Variants in EPB41L5 observed in about 807,000 individuals in gnomAD.
EPB41L5 encodes erythrocyte membrane protein band 4.1 like 5.
In EPB41L5, 55 loss-of-function variants were observed where a neutral mutation model predicts 106.6. The ratio of observed to expected loss-of-function variants is 0.52; its 90% CI spans 0.42 to 0.65. The LOEUF (loss-of-function observed/expected upper bound fraction) is 0.65, where lower values mean the gene tolerates loss of function less well. Among genes scored for constraint, EPB41L5 ranks in the 30% least tolerant of loss-of-function variants. EPB41L5 has a pLI of 0.00. For missense variants in EPB41L5, 871 were observed against 882.1 expected (o/e 0.99, Z 0.16); for synonymous variants, 297 against 306.7 (o/e 0.97, Z 0.33).
chr2:120,138,450 AAAAG>A (rs1410401872), intron 18 of EPB41L5, among the ~76,000 whole-genome samples: 21 of 151,962 alleles, frequency 1.4e-4, no homozygotes, highest in African/African-American at 4.8e-4. Context: ...AAACTAAAGA[AAAAG>A]AAAAACAATT....
rs551979118 is a variant in EPB41L5, at chr2:120,137,589, A to C, written c.1600-5414A>C. On this transcript the variant is annotated intron_variant, in intron 18 of 24. Coordinates refer to ENST00000263713, the MANE Select transcript of EPB41L5 (RefSeq NM_020909.4). ...AGTATGAGCAACTATATGCCAATAA[A>C]TTGGAAAACATTGAAGAAATGGATG... 7.5e-4 allele frequency among the ~76,000 whole-genome samples: 114 copies of C among 152,184 alleles called. 1 individual carries two copies. Among genetic ancestry groups the C allele is most frequent in the African/African-American group, 2.5e-3 (105 of 41,566 alleles).
intron 3 of EPB41L5, among the ~76,000 whole-genome samples, chr2:120,047,109 T>C (rs755599066): frequency 7.2e-5 from 11 of 152,244 alleles, no homozygotes; most frequent in Non-Finnish European, 1.5e-4. Context: ...CCTTCAGCTT[T>C]GTTCTTTTTG....
At chr2:120,147,365 G>C (rs1471568821) in intron 20 of EPB41L5, among the ~76,000 whole-genome samples, 1 of 152,008 alleles carries the variant, frequency 6.6e-6, no homozygotes, top group East Asian at 1.9e-4. Flanking sequence ...TAAGGGGCCA[G>C]GCCGTGGTGG....
At chr2:120,104,763 TATA>T in intron 16 of EPB41L5, 1 of 888,540 alleles carries the variant, frequency 1.1e-6, no homozygotes, top group Non-Finnish European at 1.3e-6. Context: ...TTTTAATTAA[TATA>T]ATTTTTAATT....
At chr2:120,112,691 C>T (rs750675176) in intron 16 of EPB41L5, among the ~76,000 whole-genome samples, 1 of 152,048 alleles carries the variant, frequency 6.6e-6, no homozygotes, top group Non-Finnish European at 1.5e-5. Context: ...AGGTGTAGTC[C>T]AGGAATGATG....
At chr2:120,024,443 G>C (rs1678167869) in intron 2 of EPB41L5, among the ~76,000 whole-genome samples, 1 of 152,036 alleles carries the variant, frequency 6.6e-6, no homozygotes, top group Non-Finnish European at 1.5e-5. Flanking sequence ...ATAATCATGT[G>C]GTTTTTTGTG....
chr2:120,022,585 A>G (rs902851668), intron 2 of EPB41L5, among the ~76,000 whole-genome samples: 7 of 152,110 alleles, frequency 4.6e-5, no homozygotes, highest in Non-Finnish European at 1.0e-4. Flanking sequence ...TCTATCATTG[A>G]TGGGCATTTG....
At chr2:120,061,232 T>TA (rs908727470) in intron 3 of EPB41L5, among the ~76,000 whole-genome samples, 4 of 148,036 alleles carry the variant, frequency 2.7e-5, no homozygotes, top group African/African-American at 7.4e-5. Context: ...TTTTTTATTT[T>TA]TTTTTTTTGA....
At chr2:120,079,906 C>A (rs1271864428) in intron 10 of EPB41L5, among the ~76,000 whole-genome samples, 2 of 152,072 alleles carry the variant, frequency 1.3e-5, no homozygotes, top group African/African-American at 4.8e-5. Context: ...GCGTGGTCCT[C>A]CCATGGTTTC....
At chr2:120,119,625 T>G (rs1196056119) in intron 16 of EPB41L5, among the ~76,000 whole-genome samples, 1 of 142,370 alleles carries the variant, frequency 7.0e-6, no homozygotes, top group Non-Finnish European at 1.5e-5. Context: ...CTTTCTCCAT[T>G]TCTTTCTCTT....
intron 2 of EPB41L5, among the ~76,000 whole-genome samples, chr2:120,028,220 T>C (rs189659845): frequency 6.6e-6 from 1 of 152,192 alleles, no homozygotes; most frequent in East Asian, 1.9e-4. Flanking sequence ...TTGTATTTTA[T>C]TCCACTCAAG....
chr2:120,026,899 A>C (rs1026899368), intron 2 of EPB41L5, among the ~76,000 whole-genome samples: 3 of 152,216 alleles, frequency 2.0e-5, no homozygotes, highest in Non-Finnish European at 4.4e-5. Context: ...TGGGCAAAGG[A>C]TCTCTATAGA....
At chr2:120,048,063 C>T in intron 3 of EPB41L5, among the ~76,000 whole-genome samples, 1 of 152,102 alleles carries the variant, frequency 6.6e-6, no homozygotes, top group East Asian at 1.9e-4. Context: ...TTCGGTTTGC[C>T]AGTATTTTAT....
At chr2:120,112,103 G>C (rs1352993974) in intron 16 of EPB41L5, among the ~76,000 whole-genome samples, 1 of 151,840 alleles carries the variant, frequency 6.6e-6, no homozygotes, top group African/African-American at 2.4e-5. Context: ...TTTATTTCCT[G>C]TCTGCCTTAC....
chr2:120,164,956 GA>G, intron 22 of EPB41L5, 46 bp downstream of exon 22: 1 of 1,399,232 alleles, frequency 7.1e-7, no homozygotes, highest in Non-Finnish European at 9.9e-7. Flanking sequence ...TTTCTGTTTT[GA>G]AAAATGTTCC....
chr2:120,084,633 G>A (rs572264636), intron 10 of EPB41L5, among the ~76,000 whole-genome samples: 2 of 152,098 alleles, frequency 1.3e-5, no homozygotes, highest in African/African-American at 4.8e-5. Context: ...GAGTATCTTT[G>A]TGGTGTTCTC....
At position 120,095,176 on chromosome 2, in the gene EPB41L5, T is replaced by C. The variant is rs116323100; in HGVS notation, c.1178+1900T>C. 7.6e-3 allele frequency among the ~76,000 whole-genome samples: 1,163 copies of C among 152,328 alleles called. 17 individuals carry two copies. The highest frequency in any genetic ancestry group is 0.026 in the African/African-American group (1,073 of 41,578). ...TTTCTTCCTTCAGTTCTTTCTGTTTTTGTTTCATGTATGTTGTGGATTTGG... is the reference window on the plus strand; with the variant it reads ...TTTCTTCCTTCAGTTCTTTCTGTTTCTGTTTCATGTATGTTGTGGATTTGG... On this transcript the variant is annotated intron_variant, in intron 14 of 24. Transcript: ENST00000263713.
chr2:120,031,889 A>G (rs903509612), intron 2 of EPB41L5, among the ~76,000 whole-genome samples: 9 of 152,110 alleles, frequency 5.9e-5, no homozygotes, highest in Non-Finnish European at 1.0e-4. Flanking sequence ...TTATCCCAGC[A>G]CCTTGGGAGG....
At chr2:120,055,811 G>A (rs932529180) in intron 3 of EPB41L5, among the ~76,000 whole-genome samples, 1 of 152,072 alleles carries the variant, frequency 6.6e-6, no homozygotes, top group African/African-American at 2.4e-5. Flanking sequence ...TTTGTATCCT[G>A]TAGTCTTGCT....
Sources: allele counts gnomAD v4.1 joint callset (sites outside exome capture counted in the v4.1 genomes callset), GRCh38; gene constraint gnomAD v4.1.1; transcripts MANE v1.5; gene names NCBI Gene and HGNC (gene_info 2026-07-23, HGNC 2026-07-21).